The following ZNF570 variants were observed in gnomAD, a reference collection of about 807,000 sequenced individuals.
ZNF570 encodes the protein zinc finger protein 570.
ZNF570 carries 8 observed loss-of-function variants against 14.2 expected under a neutral mutation model. That is an observed-to-expected ratio of 0.56 (90% CI 0.33 to 1.02). The LOEUF (loss-of-function observed/expected upper bound fraction) is 1.02, where lower values mean the gene tolerates loss of function less well. Among genes scored for constraint, ZNF570 ranks in the 50% least tolerant of loss-of-function variants. ZNF570 has a pLI of 0.03. For synonymous variants in ZNF570, 202 were observed against 207.6 expected (o/e 0.97, Z 0.23); for missense variants, 559 against 624.9 (o/e 0.89, Z 1.12).
At chr19:37,472,557 A>G (rs1384365511) in intron 2 of ZNF570, among the ~76,000 whole-genome samples, 2 of 152,018 alleles carry the variant, frequency 1.3e-5, no homozygotes, top group African/African-American at 4.8e-5. Context: ...TCAGACCAAC[A>G]TGCAGAAACC....
Position 37,484,438 on chromosome 19 carries a change from A to C in ZNF570, c.816A>C (p.Lys272Asn), listed in dbSNP as rs768385573. ...VQHQRIHTGEKPYECKECRKA... is the reference protein window; with the variant it reads ...VQHQRIHTGENPYECKECRKA... ...ATCAGAGGATTCATACTGGAGAAAAACCCTATGAATGTAAGGAATGTAGGA... is the reference window on the plus strand; with the variant it reads ...ATCAGAGGATTCATACTGGAGAAAACCCCTATGAATGTAAGGAATGTAGGA... Residue 272 changes from lysine (K) to asparagine (N), a missense_variant, in exon 5 of 5, where the codon AAA becomes AAC. Lys to Asn is a moderately conservative substitution (Grantham distance 94). Coordinates refer to ENST00000330173, the MANE Select transcript of ZNF570 (RefSeq NM_144694.5). 4 of 1,614,070 alleles carry C rather than the reference A, an allele frequency of 2.5e-6. No individual in the cohort carries two copies. The South Asian group carries it at 4.4e-5, about 18-fold the overall frequency.
At chr19:37,480,765 C>A (rs1335212551) in intron 4 of ZNF570, among the ~76,000 whole-genome samples, 1 of 151,636 alleles carries the variant, frequency 6.6e-6, no homozygotes, top group Non-Finnish European at 1.5e-5. Context: ...CCAGCCTGGG[C>A]AGCATGGTGA....
At chr19:37,477,970 T>C (rs1187106676) in intron 4 of ZNF570, among the ~76,000 whole-genome samples, 2 of 152,174 alleles carry the variant, frequency 1.3e-5, no homozygotes, top group African/African-American at 4.8e-5. Context: ...TACCACACTG[T>C]CTTAATAAAA....
chr19:37,472,059 A>G (rs1476057584), intron 2 of ZNF570, among the ~76,000 whole-genome samples: 1 of 151,844 alleles, frequency 6.6e-6, no homozygotes, highest in Non-Finnish European at 1.5e-5. Context: ...GGCACGTGCC[A>G]CCATGCCCAG....
rs2147009838 is a variant in ZNF570, at chr19:37,475,986, T to A, written c.139T>A (p.Tyr47Asn). 1 of 1,612,588 alleles carries A rather than the reference T, an allele frequency of 6.2e-7. No homozygotes were observed. Among genetic ancestry groups the A allele is most frequent in the Admixed American group, 1.7e-5 (1 of 59,702 alleles). ...HLYSNVMLENYRILVSLGLCF... is the reference protein window; with the variant it reads ...HLYSNVMLENNRILVSLGLCF... ...GTACAGTAATGTGATGCTAGAGAAC[T>A]ACAGGATCTTGGTATCACTGGGTAA... The change falls in exon 3 of 5, where the codon TAC becomes AAC. Residue 47 changes from tyrosine to asparagine, a missense_variant. Tyr to Asn is a moderately radical substitution (Grantham distance 143). Coordinates refer to ENST00000330173, the MANE Select transcript of ZNF570 (RefSeq NM_144694.5).
Position 37,476,320 on chromosome 19 carries a change from T to TC in ZNF570, c.161-19_161-18insC, listed in dbSNP as rs768031342. ...TCCACAGCATGACAAAACTCTACTT[T>TC]TTTTTTTCGTATTTGCAGGACTTTG... On this transcript the variant is annotated intron_variant, in intron 3 of 4. Transcript: ENST00000330173. 1.2e-6 allele frequency: 2 copies of TC among 1,612,026 alleles called. No homozygotes were observed. Among genetic ancestry groups the TC allele is most frequent in the Admixed American group, 3.4e-5 (2 of 59,426 alleles).
chr19:37,469,124 G>C (rs1453718791), upstream of ZNF570: 2 of 1,093,040 alleles, frequency 1.8e-6, no homozygotes, highest in South Asian at 5.5e-5. Context: ...GCCAGGCTCG[G>C]AGCTGCAGGG....
chr19:37,485,289 C>A lies in ZNF570; in HGVS notation c.*56C>A. The A allele has an allele frequency of 6.9e-7, 1 of 1,454,952 alleles. No individual in the cohort carries two copies. Among genetic ancestry groups the A allele is most frequent in the Non-Finnish European group, 9.1e-7 (1 of 1,095,734 alleles). The allele number at this position is 1,454,952 out of a possible 1,614,324, so 90.1% of individuals were successfully genotyped here. A position where few individuals can be genotyped will look rare whatever the true frequency, so the allele number is the denominator to read the frequency against. On this transcript the variant is annotated 3_prime_UTR_variant, in exon 5 of 5. Transcript: ENST00000330173. ...TACTGTTTTTTATCTTTAATGTTGT[C>A]ACCTTGGTCTGATTCATCTCACTCT...
chr19:37,481,103 T>C (rs1375328241), intron 4 of ZNF570, among the ~76,000 whole-genome samples: 1 of 152,160 alleles, frequency 6.6e-6, no homozygotes, highest in African/African-American at 2.4e-5. Context: ...ATTTATATGA[T>C]AGTTTTGCTG....
rs2041918509 is a variant in ZNF570 at position 37,469,546 on chromosome 19, G to C, written c.-63G>C. On this transcript the variant is annotated 5_prime_UTR_variant, in exon 1 of 5. Coordinates refer to ENST00000330173, the MANE Select transcript of ZNF570 (RefSeq NM_144694.5). Reference sequence around the variant, plus strand: ...GTCGCAGGCCATCTGTGTGACTCCGGTGCGAGTGGAGGTTGGTACCGTTCA... The same window carrying C: ...GTCGCAGGCCATCTGTGTGACTCCGCTGCGAGTGGAGGTTGGTACCGTTCA... The C allele has an allele frequency of 2.6e-6, 4 of 1,536,466 alleles. No individual in the cohort carries two copies. The highest frequency in any genetic ancestry group is 3.5e-6 in the Non-Finnish European group (4 of 1,146,906).
Position 37,479,002 on chromosome 19 carries a change from G to A in ZNF570, c.256+2568G>A, listed in dbSNP as rs773272556. Among the ~76,000 whole-genome samples, 54 of 151,030 alleles carry A rather than the reference G, an allele frequency of 3.6e-4. 5 individuals are homozygous for A. Among genetic ancestry groups the A allele is most frequent in the Non-Finnish European group, 6.7e-4 (45 of 67,546 alleles). ...TTCGGAATCAAGGTTGATTAGTCTC[G>A]TAAATTCTCTTTTTCTTCTTTAGAA... On this transcript the variant is annotated intron_variant, in intron 4 of 4. Transcript: ENST00000330173.
chr19:37,478,015 A>T (rs1380697757), intron 4 of ZNF570, among the ~76,000 whole-genome samples: 1 of 152,210 alleles, frequency 6.6e-6, no homozygotes, highest in African/African-American at 2.4e-5. Context: ...CTGCTAGGGA[A>T]AATCTCTACA....
chr19:37,483,200 C>A (rs955353567), intron 4 of ZNF570, among the ~76,000 whole-genome samples: 1 of 152,122 alleles, frequency 6.6e-6, no homozygotes, highest in Non-Finnish European at 1.5e-5. Flanking sequence ...AGTAAACATG[C>A]TTCTAGTTTT....
rs374724804 is a variant in ZNF570, at chr19:37,485,204, C to A, written c.1582C>A (p.Pro528Thr). 3.2e-6 allele frequency: 5 copies of A among 1,560,832 alleles called. No homozygotes were observed. Among genetic ancestry groups the A allele is most frequent in the South Asian group, 2.5e-5 (2 of 81,372 alleles). ...TCACATTGGGGAGTCACTGTCACCA[C>A]CCAACCCAGTCAATCACCAAGTCCT... ...RIHIGESLSP[P>T]NPVNHQVL is the part of the protein sequence containing the mutation. The change falls in exon 5 of 5, where the codon CCC (proline) becomes ACC (threonine). Residue 528 changes from proline (P) to threonine (T), a missense_variant. Coordinates refer to ENST00000330173, the MANE Select transcript of ZNF570 (RefSeq NM_144694.5).
rs76629495 is a variant in ZNF570, at chr19:37,482,536, C to G, written c.257-1343C>G. Among the ~76,000 whole-genome samples, 615 of 152,276 alleles carry G rather than the reference C, an allele frequency of 4.0e-3. 6 individuals carry two copies. The highest frequency in any genetic ancestry group is 0.014 in the African/African-American group (579 of 41,548). Reference sequence around the variant, plus strand: ...GATGGTACTAAACCATTCGTGAGGACTCCACCCCCACGATCCAGTCACCTC... The same window carrying G: ...GATGGTACTAAACCATTCGTGAGGAGTCCACCCCCACGATCCAGTCACCTC... On this transcript the variant is annotated intron_variant, in intron 4 of 4. Transcript: ENST00000330173.
intron 2 of ZNF570, among the ~76,000 whole-genome samples, chr19:37,472,388 G>A (rs548235175): frequency 1.3e-5 from 2 of 151,864 alleles, no homozygotes; most frequent in African/African-American, 2.4e-5. Flanking sequence ...ATTATTTATA[G>A]GCGGGGGTGG....
chr19:37,476,595 TTTAA>T (rs1241286550), intron 4 of ZNF570, 161 bp downstream of exon 4: 1 of 1,058,482 alleles, frequency 9.4e-7, no homozygotes, highest in Non-Finnish European at 1.3e-6. Context: ...ATTTGTTATT[TTTAA>T]TTATTTCCCT....
intron 4 of ZNF570, among the ~76,000 whole-genome samples, chr19:37,480,240 C>G (rs56858309): frequency 0.034 from 5,220 of 152,318 alleles, 127 homozygotes; most frequent in Non-Finnish European, 0.054. Flanking sequence ...AATCCCAGCA[C>G]TTTGGGAGGC....
upstream of ZNF570, chr19:37,468,048 C>A: frequency 2.9e-5 from 24 of 839,226 alleles, no homozygotes; most frequent in Non-Finnish European, 4.2e-5. Flanking sequence ...AGACTAGGTA[C>A]TTAACTTCTC....
Sources: gnomAD v4.1 joint callset for allele counts (sites outside exome capture counted in the v4.1 genomes callset) on GRCh38, gnomAD v4.1.1 for gene constraint, MANE v1.5 for transcripts, NCBI Gene and HGNC (gene_info 2026-07-23, HGNC 2026-07-21) for gene names.